Variants in ERBB4 observed in about 807,000 individuals in gnomAD.
ERBB4 encodes the protein receptor tyrosine-protein kinase erbB-4.
A neutral mutation model predicts 158.0 loss-of-function variants in ERBB4; 42 were observed. That is an observed-to-expected ratio of 0.27 (90% CI 0.21 to 0.34). The LOEUF (loss-of-function observed/expected upper bound fraction) is 0.34. Among genes scored for constraint, ERBB4 ranks in the 10% least tolerant of loss-of-function variants. The pLI is 1.00. For missense variants in ERBB4, 1,333 were observed against 1,624.1 expected (o/e 0.82, Z 3.08); for synonymous variants, 583 against 558.7 (o/e 1.04, Z -0.61).
intron 3 of ERBB4, among the ~76,000 whole-genome samples, chr2:211,863,937 C>G (rs1025958154): frequency 6.6e-6 from 1 of 152,172 alleles, no homozygotes; most frequent in Non-Finnish European, 1.5e-5. Flanking sequence ...TCTTGACCCT[C>G]TGCTTCATAG....
chr2:211,883,532 C>T (rs535137230), intron 3 of ERBB4, among the ~76,000 whole-genome samples: 150 of 152,206 alleles, frequency 9.9e-4, no homozygotes, highest in African/African-American at 3.3e-3. Context: ...AATCCCAGCA[C>T]TTTGGGAGGC....
chr2:211,959,480 C>G (rs1310304989), intron 2 of ERBB4, among the ~76,000 whole-genome samples: 1 of 151,920 alleles, frequency 6.6e-6, no homozygotes, highest in African/African-American at 2.4e-5. Flanking sequence ...TTGGCACCTT[C>G]CATTTTGGAA....
chr2:211,612,952 G>T (rs1185711653), intron 19 of ERBB4, among the ~76,000 whole-genome samples: 1 of 151,944 alleles, frequency 6.6e-6, no homozygotes, highest in Non-Finnish European at 1.5e-5. Context: ...GGGACAATAG[G>T]GTGGATACAG....
chr2:211,781,297 A>G lies in ERBB4; in HGVS notation c.556+6728T>C, dbSNP rs149245632. 8.0e-4 allele frequency among the ~76,000 whole-genome samples: 122 copies of G among 152,352 alleles called. 1 individual carries two copies. The East Asian group carries it at 0.02, about 25-fold the overall frequency. On this transcript the variant is annotated intron_variant, in intron 4 of 27. Transcript: ENST00000342788. ...ACTGAAAAAAAAGTTTAAAACATGGACAGAATGAATGCAGGCAGAACATCT... is the reference window on the plus strand; with the variant it reads ...ACTGAAAAAAAAGTTTAAAACATGGGCAGAATGAATGCAGGCAGAACATCT...
chr2:211,554,097 T>C (rs1442990550), intron 20 of ERBB4, among the ~76,000 whole-genome samples: 1 of 152,206 alleles, frequency 6.6e-6, no homozygotes, highest in African/African-American at 2.4e-5. Flanking sequence ...TCCCCTTCAG[T>C]CCTCTAATTC....
At chr2:212,530,723 C>T (rs1692710778) in intron 1 of ERBB4, among the ~76,000 whole-genome samples, 2 of 152,134 alleles carry the variant, frequency 1.3e-5, no homozygotes, top group Non-Finnish European at 2.9e-5. Context: ...ATGATCCCCA[C>T]TTGTATTCAA....
At chr2:211,956,802 T>C (rs1020681919) in intron 2 of ERBB4, among the ~76,000 whole-genome samples, 19 of 152,084 alleles carry the variant, frequency 1.2e-4, no homozygotes, top group African/African-American at 9.7e-5. Flanking sequence ...GTTGGCTAAA[T>C]ATGACCACTC....
In ERBB4 at chr2:212,186,462, C is replaced by A. The variant is rs371027547; in HGVS notation, c.83-61559G>T. Among the ~76,000 whole-genome samples the A allele has an allele frequency of 3.3e-5, 5 of 152,270 alleles. No homozygotes were observed. In the East Asian group the frequency reaches 5.8e-4, roughly 18 times the overall value. ...TTTTTATTTACTTCACTGGTAAATA[C>A]AATTAAAACACTCAATCAAGTGTAG... On this transcript the variant is annotated intron_variant, in intron 1 of 27. Coordinates refer to ENST00000342788, the MANE Select transcript of ERBB4 (RefSeq NM_005235.3).
chr2:212,407,992 T>C (rs2091395155), intron 1 of ERBB4, among the ~76,000 whole-genome samples: 1 of 152,104 alleles, frequency 6.6e-6, no homozygotes, highest in African/African-American at 2.4e-5. Flanking sequence ...AGACAATTAC[T>C]GAATAAGTGT....
At chr2:212,245,322 T>C (rs1273787357) in intron 1 of ERBB4, among the ~76,000 whole-genome samples, 1 of 152,178 alleles carries the variant, frequency 6.6e-6, no homozygotes, top group East Asian at 1.9e-4. Flanking sequence ...TCACATTGAA[T>C]ATATAAACTG....
At chr2:211,977,732 A>G (rs2081654506) in intron 2 of ERBB4, among the ~76,000 whole-genome samples, 1 of 150,714 alleles carries the variant, frequency 6.6e-6, no homozygotes, top group Non-Finnish European at 1.5e-5. Context: ...AATAGCTGTA[A>G]TCCCAGCTAC....
chr2:211,427,638 C>T (rs1005274030), intron 22 of ERBB4, among the ~76,000 whole-genome samples: 2 of 152,070 alleles, frequency 1.3e-5, no homozygotes, highest in Non-Finnish European at 2.9e-5. Flanking sequence ...TAACTTACTG[C>T]TGTCAGTAAT....
At chr2:212,110,136 G>A (rs954692120) in intron 2 of ERBB4, among the ~76,000 whole-genome samples, 2 of 152,160 alleles carry the variant, frequency 1.3e-5, no homozygotes, top group Non-Finnish European at 2.9e-5. Context: ...TGCAGCAAAA[G>A]TTGCCTTATA....
chr2:211,567,928 G>A (rs993336275), intron 19 of ERBB4, among the ~76,000 whole-genome samples: 1 of 151,968 alleles, frequency 6.6e-6, no homozygotes, highest in Non-Finnish European at 1.5e-5. Context: ...TAATCATAGA[G>A]TGTCGGCTTT....
At chr2:212,325,285 A>G (rs2087773828) in intron 1 of ERBB4, among the ~76,000 whole-genome samples, 1 of 150,524 alleles carries the variant, frequency 6.6e-6, no homozygotes, top group African/African-American at 2.4e-5. Flanking sequence ...GTAGATTTTA[A>G]ATCTGAAAAA....
intron 1 of ERBB4, among the ~76,000 whole-genome samples, chr2:212,361,983 T>G (rs999007947): frequency 6.6e-6 from 1 of 151,682 alleles, no homozygotes; most frequent in Non-Finnish European, 1.5e-5. Flanking sequence ...ATTTAAAGCA[T>G]ATAATTTTGT....
intron 1 of ERBB4, among the ~76,000 whole-genome samples, chr2:212,495,654 T>C (rs561401415): frequency 6.2e-4 from 94 of 152,274 alleles, no homozygotes; most frequent in South Asian, 1.5e-3. Context: ...GAGAGCCCCA[T>C]TGATGCCTAA....
intron 13 of ERBB4, among the ~76,000 whole-genome samples, chr2:211,678,004 G>A (rs7565321): frequency 0.45 from 68,854 of 151,802 alleles, 16,471 homozygotes; most frequent in African/African-American, 0.55. Flanking sequence ...CAAGAATGAT[G>A]CATCAAATAG....
chr2:212,168,861 T>A (rs1575738553), intron 1 of ERBB4, among the ~76,000 whole-genome samples: 1 of 152,302 alleles, frequency 6.6e-6, no homozygotes, highest in Non-Finnish European at 1.5e-5. Flanking sequence ...GAGGTTGGAA[T>A]TACAGTAATG....
Sources: gnomAD v4.1 joint callset for allele counts (sites outside exome capture counted in the v4.1 genomes callset) on GRCh38, gnomAD v4.1.1 for gene constraint, MANE v1.5 for transcripts, NCBI Gene and HGNC (gene_info 2026-07-23, HGNC 2026-07-21) for gene names.